Variants in ERRFI1 observed in about 807,000 individuals in gnomAD.
The protein encoded by ERRFI1 is ERBB receptor feedback inhibitor 1.
Under a neutral mutation model 14.6 loss-of-function variants are expected in ERRFI1, and 12 were observed. The observed-to-expected ratio is 0.82, with a 90% CI of 0.53 to 1.33. The LOEUF (loss-of-function observed/expected upper bound fraction) is 1.33. Among genes scored for constraint, ERRFI1 ranks in the 40% most tolerant of loss-of-function variants. The pLI is 0.00. For synonymous variants in ERRFI1, 202 were observed against 209.9 expected (o/e 0.96, Z 0.32); for missense variants, 482 against 572.1 (o/e 0.84, Z 1.61).
At chr1:8,023,574 C>G (rs536343011) in intron 1 of ERRFI1, among the ~76,000 whole-genome samples, 1 of 152,010 alleles carries the variant, frequency 6.6e-6, no homozygotes, top group Non-Finnish European at 1.5e-5. Flanking sequence ...CCACTGAGCC[C>G]GGCCAAAAGC....
At chr1:8,022,026 C>G (rs17031996) in intron 1 of ERRFI1, among the ~76,000 whole-genome samples, 1 of 152,124 alleles carries the variant, frequency 6.6e-6, no homozygotes, top group Non-Finnish European at 1.5e-5. Context: ...CTTGGGTAAC[C>G]TGTAGCCTAT....
chr1:8,018,954 C>T (rs998196937), intron 1 of ERRFI1, among the ~76,000 whole-genome samples: 4 of 152,200 alleles, frequency 2.6e-5, no homozygotes, highest in Non-Finnish European at 5.9e-5. Flanking sequence ...TCAAACTCTA[C>T]AAACCAAACT....
chr1:8,020,539 C>A lies in ERRFI1; in HGVS notation c.-73-4847G>T, dbSNP rs1000225129. Among the ~76,000 whole-genome samples the A allele has an allele frequency of 1.2e-3, 178 of 143,800 alleles. 1 individual carries two copies. The highest frequency in any genetic ancestry group is 2.3e-3 in the Non-Finnish European group (151 of 66,640). The allele number at this position is 143,800 out of a possible 152,430, so 94.3% of individuals were successfully genotyped here. On this transcript the variant is annotated intron_variant, in intron 1 of 3. Transcript: ENST00000377482. ...GAGGAAATTAAAACAAACAAACAAACAAAAAAACACCAATTTTTTTTTTTT... is the reference window on the plus strand; with the variant it reads ...GAGGAAATTAAAACAAACAAACAAAAAAAAAAACACCAATTTTTTTTTTTT...
rs1346501935 is a variant in ERRFI1 at position 8,013,644 on chromosome 1, C to A, written c.955G>T (p.Val319Leu). 1.2e-6 allele frequency: 2 copies of A among 1,614,076 alleles called. No individual in the cohort carries two copies. Among genetic ancestry groups the A allele is most frequent in the South Asian group, 2.2e-5 (2 of 91,076 alleles). Residue 319 changes from valine (V) to leucine (L), a missense_variant, in exon 4 of 4, where the codon GTA (valine) becomes TTA (leucine). Physicochemically the swap from Val to Leu is conservative, Grantham distance 32 (BLOSUM62 1). Transcript: ENST00000377482. This position sits in a 1 kb window ranked among gnomAD's most constrained non-coding sequence, Gnocchi z 4.3. ...GGTGACAAAGGTTCTCTTGGCGGTA[C>A]TTTGGGAGGCCTGTCTTCATCACTA... ...TYSDEDRPPK[V>L]PPREPLSPSN... is the part of the protein sequence containing the mutation.
At chr1:8,019,958 T>C (rs1412670232) in intron 1 of ERRFI1, among the ~76,000 whole-genome samples, 1 of 152,102 alleles carries the variant, frequency 6.6e-6, no homozygotes, top group East Asian at 1.9e-4. Flanking sequence ...TTTTTGCTGC[T>C]GAATTTAAGG....
chr1:8,025,582 G>A (rs918385601), intron 1 of ERRFI1, among the ~76,000 whole-genome samples: 35 of 152,148 alleles, frequency 2.3e-4, no homozygotes, highest in Admixed American at 9.8e-4. Context: ...AGCAATCGCC[G>A]AGCCTCCCAC....
chr1:8,024,817 C>A (rs1484952339), intron 1 of ERRFI1, among the ~76,000 whole-genome samples: 1 of 152,150 alleles, frequency 6.6e-6, no homozygotes, highest in East Asian at 1.9e-4. Context: ...TTATTTTGGT[C>A]TTTGCAAAAT....
intron 2 of ERRFI1, 40 bp from the exon 3 acceptor site, chr1:8,015,424 C>G (rs746592564): frequency 8.1e-6 from 13 of 1,613,952 alleles, no homozygotes; most frequent in Non-Finnish European, 1.1e-5. Flanking sequence ...AAGCGAAGAG[C>G]AATCACAGCC....
intron 1 of ERRFI1, among the ~76,000 whole-genome samples, chr1:8,018,853 T>C (rs1641236853): frequency 6.6e-6 from 1 of 152,240 alleles, no homozygotes; most frequent in African/African-American, 2.4e-5. Context: ...AGACAGCTCC[T>C]GAATCAATGA....
intron 3 of ERRFI1, chr1:8,015,086 A>ACAGT (rs1246217086): frequency 3.7e-6 from 2 of 535,458 alleles, no homozygotes; most frequent in African/African-American, 3.8e-5. Flanking sequence ...ACGTCCATGA[A>ACAGT]CAGTCCTACT....
Position 8,013,444 on chromosome 1 carries a change from A to G in ERRFI1, c.1155T>C (p.Asn385=), listed in dbSNP as rs1369574916. The G allele has an allele frequency of 6.2e-7, 1 of 1,614,124 alleles. No individual in the cohort carries two copies. Among genetic ancestry groups the G allele is most frequent in the Non-Finnish European group, 8.5e-7 (1 of 1,180,034 alleles). Reference sequence around the variant, plus strand: ...AATGTGTTGAACTAACCTTCTTCCCATTTTCAATAATGGGCAGAATGCAAG... The same window carrying G: ...AATGTGTTGAACTAACCTTCTTCCCGTTTTCAATAATGGGCAGAATGCAAG... ...KVPCILPIIE[N]GKKVSSTHYY... is the part of the protein sequence containing the mutation. The change falls in exon 4 of 4, where the codon AAT becomes AAC. Residue 385 remains asparagine (N), a synonymous_variant. Transcript: ENST00000377482. The surrounding 1 kb of genome is among the most constrained non-coding windows in gnomAD (Gnocchi z 4.3).
chr1:8,022,567 C>G (rs1641288331), intron 1 of ERRFI1, among the ~76,000 whole-genome samples: 1 of 152,200 alleles, frequency 6.6e-6, no homozygotes, highest in Admixed American at 6.5e-5. Context: ...CATGGCTCTT[C>G]TGTACTATAA....
At chr1:8,017,672 G>A (rs1266470157) in intron 1 of ERRFI1, among the ~76,000 whole-genome samples, 1 of 152,198 alleles carries the variant, frequency 6.6e-6, no homozygotes, top group Non-Finnish European at 1.5e-5. Flanking sequence ...AAGATAGGAA[G>A]AATATGGTAT....
rs904290230 is a variant in ERRFI1 at position 8,012,551 on chromosome 1, C to T, written c.*659G>A. ...AGGTGACAATATGGTTGCCAAGTAACCTGCTCTCCCTCCCTCAACAAGACG... is the reference window on the plus strand; with the variant it reads ...AGGTGACAATATGGTTGCCAAGTAATCTGCTCTCCCTCCCTCAACAAGACG... On this transcript the variant is annotated 3_prime_UTR_variant, in exon 4 of 4. Coordinates refer to ENST00000377482, the MANE Select transcript of ERRFI1 (RefSeq NM_018948.4). 4.4e-6 allele frequency: 1 copy of T among 224,986 alleles called. No individual in the cohort carries two copies. Among genetic ancestry groups the T allele is most frequent in the African/African-American group, 2.2e-5 (1 of 44,782 alleles). 13.9% of individuals were successfully genotyped at this position (224,986 alleles called of 1,614,324 possible).
intron 1 of ERRFI1, among the ~76,000 whole-genome samples, chr1:8,023,268 C>T (rs746303268): frequency 1.3e-5 from 2 of 152,070 alleles, no homozygotes; most frequent in Non-Finnish European, 2.9e-5. Flanking sequence ...TAGCCAAAGC[C>T]CCACATTTTT....
intron 1 of ERRFI1, among the ~76,000 whole-genome samples, chr1:8,019,660 AAGC>A (rs1569593867): frequency 1.3e-5 from 2 of 152,326 alleles, no homozygotes; most frequent in African/African-American, 4.8e-5. Context: ...CTCAGGGGAG[AAGC>A]AGATTTATAA....
At position 8,012,493 on chromosome 1, in the gene ERRFI1, A is replaced by T. The variant is rs1641099686; in HGVS notation, c.*717T>A. 4.4e-6 allele frequency: 1 copy of T among 227,424 alleles called. No homozygotes were observed. Among genetic ancestry groups the T allele is most frequent in the Admixed American group, 5.7e-5 (1 of 17,548 alleles). The allele number at this position is 227,424 out of a possible 1,614,324, so 14.1% of individuals were successfully genotyped here. ...GGGAAAATTAGTCACTAGTTCTATTATCGTTTTATTTTTCAAGATGTGTGA... is the reference window on the plus strand; with the variant it reads ...GGGAAAATTAGTCACTAGTTCTATTTTCGTTTTATTTTTCAAGATGTGTGA... On this transcript the variant is annotated 3_prime_UTR_variant, in exon 4 of 4. Transcript: ENST00000377482.
chr1:8,015,578 T>C lies in ERRFI1; in HGVS notation c.42A>G (p.Pro14=). Residue 14 remains proline (P), a synonymous_variant, in exon 2 of 4, where the codon CCA becomes CCG. Transcript: ENST00000377482. ...AGVAAQEIRV[P]LKTGFLHNGR... is the part of the protein sequence containing the mutation. ...CATTATGTAGAAATCCAGTTTTTAA[T>C]GGGACTCTGATCTCCTGAGCAGCAA... 1 of 1,614,174 alleles carries C rather than the reference T, an allele frequency of 6.2e-7. No individual in the cohort carries two copies. Among genetic ancestry groups the C allele is most frequent in the South Asian group, 1.1e-5 (1 of 91,086 alleles).
Position 8,016,535 on chromosome 1 carries a change from G to A in ERRFI1, c.-73-843C>T, listed in dbSNP as rs1286913578. Among the ~76,000 whole-genome samples the A allele has an allele frequency of 2.0e-5, 3 of 152,184 alleles. No homozygotes were observed. In the East Asian group the frequency reaches 5.8e-4, roughly 29 times the overall value. On this transcript the variant is annotated intron_variant, in intron 1 of 3. Transcript: ENST00000377482. ...TTAAATTAGTAGTTCCTCAACTTCA[G>A]GACCGCCAATCCCCTTTGTCAGATG...
Sources: gnomAD v4.1 joint callset for allele counts (sites outside exome capture counted in the v4.1 genomes callset) on GRCh38, gnomAD v4.1.1 for gene constraint, Gnocchi (gnomAD v3.1) non-coding constraint, MANE v1.5 for transcripts, NCBI Gene and HGNC (gene_info 2026-07-23, HGNC 2026-07-21) for gene names.